Variants in PRKCB observed in about 807,000 individuals in gnomAD.
The protein encoded by PRKCB is protein kinase C beta type.
PRKCB carries 13 observed loss-of-function variants against 81.5 expected under a neutral mutation model. That is an observed-to-expected ratio of 0.16 (90% CI 0.10 to 0.25). The LOEUF is 0.25. Among genes scored for constraint, PRKCB ranks in the 10% least tolerant of loss-of-function variants. The pLI, the probability that PRKCB is intolerant of heterozygous loss-of-function variation, is 1.00. For missense variants in PRKCB, 509 were observed against 875.7 expected, an observed-to-expected ratio of 0.58 and a Z score of 5.29; for synonymous variants, 335 against 321.4, an observed-to-expected ratio of 1.04 and a Z score of -0.45.
chr16:23,836,703 C>T (rs1962165647), intron 1 of PRKCB, among the ~76,000 whole-genome samples: 1 of 151,114 alleles, frequency 6.6e-6, no homozygotes, highest in Admixed American at 6.6e-5. Context: ...CTCTCCGACC[C>T]GGGGTTCCCT....
chr16:24,025,522 G>A (rs1006415744), intron 3 of PRKCB, among the ~76,000 whole-genome samples: 1 of 152,212 alleles, frequency 6.6e-6, no homozygotes, highest in Admixed American at 6.5e-5. Context: ...TTTATGCCCT[G>A]AGAGTATAAT....
intron 7 of PRKCB, among the ~76,000 whole-genome samples, chr16:24,100,960 C>T (rs1351786168): frequency 6.6e-6 from 1 of 152,148 alleles, no homozygotes; most frequent in Non-Finnish European, 1.5e-5. Context: ...GTGAGGATCA[C>T]AAGACCAGGT....
At chr16:24,013,425 C>T (rs767508574) in intron 3 of PRKCB, among the ~76,000 whole-genome samples, 112 of 152,258 alleles carry the variant, frequency 7.4e-4, no homozygotes, top group Non-Finnish European at 1.4e-3. Context: ...AGCTGTGTGA[C>T]CTTGGGCGAG....
intron 2 of PRKCB, among the ~76,000 whole-genome samples, chr16:23,883,148 G>T (rs1963150095): frequency 6.6e-6 from 1 of 152,100 alleles, no homozygotes; most frequent in South Asian, 2.1e-4. Context: ...CAATACACAG[G>T]TAAGCAAATT....
intron 12 of PRKCB, among the ~76,000 whole-genome samples, chr16:24,176,894 C>CAA (rs34201635): frequency 2.1e-5 from 2 of 96,456 alleles, no homozygotes; most frequent in Admixed American, 1.1e-4. Flanking sequence ...AACTCCATTT[C>CAA]AAAAAAAAAA....
At chr16:23,959,624 T>G (rs1964396874) in intron 2 of PRKCB, among the ~76,000 whole-genome samples, 1 of 152,202 alleles carries the variant, frequency 6.6e-6, no homozygotes, top group Non-Finnish European at 1.5e-5. Flanking sequence ...TATTAGCGAT[T>G]ATCTTTTATC....
intron 13 of PRKCB, among the ~76,000 whole-genome samples, 175 bp from the exon 14 acceptor site, chr16:24,184,936 A>T (rs1231426047): frequency 6.6e-6 from 1 of 152,248 alleles, no homozygotes; most frequent in Non-Finnish European, 1.5e-5. Context: ...TGACAGCCAC[A>T]GGTGTTTGCC....
chr16:23,915,589 C>T (rs1445423478), intron 2 of PRKCB, among the ~76,000 whole-genome samples: 1 of 146,964 alleles, frequency 6.8e-6, no homozygotes, highest in East Asian at 2.1e-4. Flanking sequence ...TACTAGTGGA[C>T]ACTGAAGTAG....
chr16:24,128,375 AAACAAC>A (rs61430133), intron 9 of PRKCB, among the ~76,000 whole-genome samples: 2 of 151,936 alleles, frequency 1.3e-5, no homozygotes, highest in Non-Finnish European at 2.9e-5. Context: ...ACACTGTCTC[AAACAAC>A]AACAACAACA....
chr16:24,041,664 T>C (rs904807452), intron 5 of PRKCB, among the ~76,000 whole-genome samples: 1 of 152,106 alleles, frequency 6.6e-6, no homozygotes, highest in Non-Finnish European at 1.5e-5. Flanking sequence ...TTTAAATCCT[T>C]CTTAAGATCT....
At chr16:23,888,805 A>G (rs77788841) in intron 2 of PRKCB, among the ~76,000 whole-genome samples, 2,297 of 152,206 alleles carry the variant, frequency 0.015, 59 homozygotes, top group African/African-American at 0.051. Context: ...TGAAGTTGCA[A>G]GAGGGCTGGA....
intron 2 of PRKCB, among the ~76,000 whole-genome samples, chr16:23,878,536 C>T (rs1379666162): frequency 1.3e-5 from 2 of 152,294 alleles, no homozygotes; most frequent in Non-Finnish European, 1.5e-5. Context: ...TGCTAATATA[C>T]CACAGAGAGA....
chr16:24,103,651 G>A (rs1567375262), intron 7 of PRKCB, among the ~76,000 whole-genome samples: 1 of 152,100 alleles, frequency 6.6e-6, no homozygotes, highest in Non-Finnish European at 1.5e-5. Flanking sequence ...GAATGATTCC[G>A]TCACCCAGGT....
rs187537235 is a variant in PRKCB, at chr16:23,907,963, C to T, written c.205+70557C>T. Among the ~76,000 whole-genome samples the T allele has an allele frequency of 3.9e-4, 60 of 152,254 alleles. 1 individual carries two copies. The East Asian group carries it at 9.6e-3, about 24-fold the overall frequency. On this transcript the variant is annotated intron_variant, in intron 2 of 16. Coordinates refer to ENST00000643927, the MANE Select transcript of PRKCB (RefSeq NM_002738.7). Reference sequence around the variant, plus strand: ...CATATCGGTTTATTGTCTTATTTTTCTTAGGAGTAAAAGAGTCCATGGGTG... The same window carrying T: ...CATATCGGTTTATTGTCTTATTTTTTTTAGGAGTAAAAGAGTCCATGGGTG...
chr16:24,052,512 C>T (rs1289316660), intron 5 of PRKCB, among the ~76,000 whole-genome samples: 3 of 152,182 alleles, frequency 2.0e-5, no homozygotes, highest in East Asian at 1.9e-4. Flanking sequence ...CTTTTGAGGT[C>T]ATTTCCTGAT....
intron 16 of PRKCB, among the ~76,000 whole-genome samples, chr16:24,199,313 T>C (rs1967922793): frequency 6.6e-6 from 1 of 152,334 alleles, no homozygotes; most frequent in African/African-American, 2.4e-5. Flanking sequence ...AAGCTTCAAG[T>C]ACTGCTTTAA....
At chr16:23,985,019 T>A (rs1236549497) in intron 2 of PRKCB, among the ~76,000 whole-genome samples, 1 of 152,198 alleles carries the variant, frequency 6.6e-6, no homozygotes, top group Admixed American at 6.5e-5. Flanking sequence ...ACAAAAGCTA[T>A]TTGAGTTTTT....
intron 5 of PRKCB, among the ~76,000 whole-genome samples, chr16:24,052,842 G>A (rs538094388): frequency 7.4e-4 from 113 of 152,156 alleles, no homozygotes; most frequent in Non-Finnish European, 1.4e-3. Context: ...CTGACGTCCT[G>A]TCTCATTCAG....
rs377479459 is a variant in PRKCB, at chr16:24,059,190, CAG to C, written c.529+23646_529+23647del. Among the ~76,000 whole-genome samples, 86 of 152,254 alleles carry C rather than the reference CAG, an allele frequency of 5.6e-4. No homozygotes were observed. The East Asian group carries it at 0.012, about 21-fold the overall frequency. On this transcript the variant is annotated intron_variant, in intron 5 of 16. Transcript: ENST00000643927. ...ATATCCAGAGATCCGATTGGAAAAA[CAG>C]AGCCAACAGTATGGATGCAGGGGTC...
Sources: allele counts gnomAD v4.1 joint callset (sites outside exome capture counted in the v4.1 genomes callset), GRCh38; gene constraint gnomAD v4.1.1; transcripts MANE v1.5; gene names NCBI Gene and HGNC (gene_info 2026-07-23, HGNC 2026-07-21).